The following CKAP5 variants were observed in gnomAD, a reference collection of about 807,000 sequenced individuals.
CKAP5 encodes cytoskeleton associated protein 5.
In CKAP5, 27 loss-of-function variants were observed where a neutral mutation model predicts 232.8. The ratio of observed to expected loss-of-function variants is 0.12; its 90% confidence interval spans 0.09 to 0.16. The LOEUF (loss-of-function observed/expected upper bound fraction) is 0.16. Among genes scored for constraint, CKAP5 ranks in the 10% least tolerant of loss-of-function variants. The pLI is 1.00. For missense variants in CKAP5, 1,838 were observed against 2,424.7 expected (o/e 0.76, Z 5.08); for synonymous variants, 785 against 841.1 (o/e 0.93, Z 1.16).
intron 3 of CKAP5, 94 bp from the exon 4 acceptor site, chr11:46,816,498 C>T: frequency 1.2e-6 from 1 of 845,984 alleles, no homozygotes; most frequent in South Asian, 1.6e-5. Context: ...TTTACAAATG[C>T]TAGAAATACA....
At chr11:46,755,400 G>A (rs1320632660) in intron 35 of CKAP5, among the ~76,000 whole-genome samples, 1 of 151,770 alleles carries the variant, frequency 6.6e-6, no homozygotes, top group Non-Finnish European at 1.5e-5. Flanking sequence ...GTAGAGACGG[G>A]GTTTCACCAT....
At position 46,778,523 on chromosome 11, in the gene CKAP5, T is replaced by C. The variant is rs200158269; in HGVS notation, c.2510A>G (p.Asp837Gly). ...HSTSGTDEGE[D>G]GDEPDDGSND... is the part of the protein sequence containing the mutation. ...GCTCCCGTCATCTGGTTCATCTCCA[T>C]CTTCTCCTTCATCTGTACCACTTGT... Residue 837 changes from aspartate to glycine, a missense_variant, in exon 21 of 44, where the codon GAT (aspartate) becomes GGT (glycine). By Grantham distance (94) the Asp-to-Gly change is moderately conservative (BLOSUM62 -1). This residue lies in a region of CKAP5 where 767 missense variants were observed against 954.6 expected (regional missense o/e 0.80). Transcript: ENST00000529230. The C allele has an allele frequency of 4.2e-5, 67 of 1,613,998 alleles. No homozygotes were observed. Among genetic ancestry groups the C allele is most frequent in the East Asian group, 4.5e-5 (2 of 44,884 alleles).
chr11:46,748,587 A>T (rs1290806054), intron 42 of CKAP5, among the ~76,000 whole-genome samples: 1 of 152,082 alleles, frequency 6.6e-6, no homozygotes, highest in Non-Finnish European at 1.5e-5. Flanking sequence ...AGCCTGGCCA[A>T]CATGGTGAAA....
intron 4 of CKAP5, 35 bp downstream of exon 4, chr11:46,816,163 C>T: frequency 1.3e-6 from 2 of 1,564,124 alleles, no homozygotes; most frequent in African/African-American, 2.7e-5. Flanking sequence ...TTGGGGACTG[C>T]TGCTCTAGTT....
chr11:46,748,001 G>A (rs971737840), intron 42 of CKAP5, among the ~76,000 whole-genome samples: 16 of 152,060 alleles, frequency 1.1e-4, no homozygotes, highest in Non-Finnish European at 1.9e-4. Context: ...CCATGATTGC[G>A]CCACTGCACT....
At chr11:46,809,975 CT>C (rs57998853) in intron 5 of CKAP5, 101 bp from the exon 6 acceptor site, 10,746 of 980,402 alleles carry the variant, frequency 0.011, no homozygotes, top group East Asian at 0.014. Context: ...CAATTTCTTT[CT>C]TTTTTTTTTA....
chr11:46,818,290 G>A lies in CKAP5; in HGVS notation c.251+20C>T. The A allele has an allele frequency of 6.4e-7, 1 of 1,554,930 alleles. No homozygotes were observed. Among genetic ancestry groups the A allele is most frequent in the Non-Finnish European group, 8.7e-7 (1 of 1,153,052 alleles). ...CCAAACAGGGGTTTTTATCAGTAAA[G>A]TTGGAAAGAAAGTACTTACTTTCCT... On this transcript the variant is annotated intron_variant, in intron 3 of 43. Transcript: ENST00000529230.
chr11:46,819,034 G>A (rs1428933591), intron 2 of CKAP5, among the ~76,000 whole-genome samples: 2 of 152,034 alleles, frequency 1.3e-5, no homozygotes, highest in East Asian at 3.9e-4. Flanking sequence ...TGGCCCTTGT[G>A]GAGCTTACAC....
At chr11:46,791,198 T>C (rs1938708161) in intron 13 of CKAP5, among the ~76,000 whole-genome samples, 1 of 152,106 alleles carries the variant, frequency 6.6e-6, no homozygotes, top group Admixed American at 6.6e-5. Flanking sequence ...TACAAATTAA[T>C]TTGAGAATGA....
chr11:46,779,389 T>C (rs1342487168), intron 20 of CKAP5, among the ~76,000 whole-genome samples: 1 of 152,186 alleles, frequency 6.6e-6, no homozygotes, highest in African/African-American at 2.4e-5. Context: ...CGCCTTGGCC[T>C]CCCAAAGTGA....
At chr11:46,750,139 TA>T in intron 42 of CKAP5, 134 bp downstream of exon 42, 1 of 766,194 alleles carries the variant, frequency 1.3e-6, no homozygotes, top group Admixed American at 2.7e-5. Flanking sequence ...CCACTGGATA[TA>T]GCAATGGGAA....
intron 26 of CKAP5, 62 bp downstream of exon 26, chr11:46,769,901 T>A: frequency 6.4e-7 from 1 of 1,551,342 alleles, no homozygotes. Context: ...CAAGGCTGAA[T>A]GTCTTTTTAG....
rs2065098860 is a variant in CKAP5, at chr11:46,754,936, C to T, written c.4821G>A (p.Lys1607=). 6.2e-7 allele frequency: 1 copy of T among 1,613,782 alleles called. No individual in the cohort carries two copies. The highest frequency in any genetic ancestry group is 1.3e-5 in the African/African-American group (1 of 74,902). ...AGCTATACAACTTGATGATCTCGTC[C>T]TTCTCCAATTTCTCATCTGCCATGT... The part of the protein sequence containing the change: ...NTHMADEKLE[K]DEIIKLYSCI... Residue 1607 remains lysine, a synonymous_variant, in exon 36 of 44, where the codon AAG becomes AAA. Coordinates refer to ENST00000529230, the MANE Select transcript of CKAP5 (RefSeq NM_001008938.4).
chr11:46,771,374 C>T (rs1227832123), intron 24 of CKAP5, among the ~76,000 whole-genome samples: 1 of 152,130 alleles, frequency 6.6e-6, no homozygotes, highest in African/African-American at 2.4e-5. Flanking sequence ...CTTATGTTGA[C>T]ATTTTTCTTC....
intron 1 of CKAP5, among the ~76,000 whole-genome samples, chr11:46,837,111 G>GT (rs1388203260): frequency 6.6e-6 from 1 of 152,154 alleles, no homozygotes; most frequent in Non-Finnish European, 1.5e-5. Context: ...AGTTGATAAA[G>GT]TTTTTTTCAT....
Position 46,770,886 on chromosome 11 carries a change from G to T in CKAP5, c.3088C>A (p.Arg1030=). The T allele has an allele frequency of 6.2e-7, 1 of 1,613,980 alleles. No individual in the cohort carries two copies. The highest frequency in any genetic ancestry group is 8.5e-7 in the Non-Finnish European group (1 of 1,179,960). The change falls in exon 25 of 44, where the codon CGA becomes AGA. Residue 1030 remains arginine (R), a synonymous_variant. Transcript: ENST00000529230. ...VPHLYSCLED[R]NGDVRKKAQD... The stretch of plus-strand genomic sequence containing the variant: ...GCCTTCTTTCGCACATCTCCATTTC[G>T]ATCTTCTAGGCAGGAGTAGAGATGA...
intron 36 of CKAP5, among the ~76,000 whole-genome samples, chr11:46,753,909 A>AT (rs1315165542): frequency 6.6e-6 from 1 of 151,692 alleles, no homozygotes; most frequent in African/African-American, 2.4e-5. Context: ...ATTTGTAAAA[A>AT]TTCAGAGTAT....
At chr11:46,813,791 A>G (rs1167054196) in intron 4 of CKAP5, among the ~76,000 whole-genome samples, 4 of 152,188 alleles carry the variant, frequency 2.6e-5, no homozygotes, top group African/African-American at 9.7e-5. Flanking sequence ...CTAAAAAATG[A>G]AATAACCAGA....
At chr11:46,806,543 T>C (rs1218239324) in intron 8 of CKAP5, among the ~76,000 whole-genome samples, 1 of 152,184 alleles carries the variant, frequency 6.6e-6, no homozygotes, top group Admixed American at 6.6e-5. Flanking sequence ...AAAACTCTTT[T>C]TCCCCTAGGG....
Sources: allele counts gnomAD v4.1 joint callset (sites outside exome capture counted in the v4.1 genomes callset), GRCh38; gene constraint gnomAD v4.1.1; regional missense constraint gnomAD v4.1.1; transcripts MANE v1.5; gene names NCBI Gene and HGNC (gene_info 2026-07-23, HGNC 2026-07-21).